GBE1: variants seen among roughly 807,000 people sequenced by gnomAD.
GBE1 encodes the protein 1,4-alpha-glucan branching enzyme 1.
A neutral mutation model predicts 88.8 loss-of-function variants in GBE1; 70 were observed. The ratio of observed to expected loss-of-function variants is 0.79; its 90% CI spans 0.65 to 0.96. The LOEUF (loss-of-function observed/expected upper bound fraction) is 0.96. Ranked by LOEUF, GBE1 falls within the 40% of genes least tolerant of loss-of-function variation. The probability of loss-of-function intolerance (pLI) is 0.00; values close to 1 mark genes in which losing one functional copy is unlikely to be tolerated. For missense variants in GBE1, 872 were observed against 871.0 expected, an observed-to-expected ratio of 1.00 and a Z score of -0.01; for synonymous variants, 284 against 300.1, an observed-to-expected ratio of 0.95 and a Z score of 0.56.
intron 1 of GBE1, among the ~76,000 whole-genome samples, chr3:81,718,242 A>G (rs1056199078): frequency 2.6e-5 from 4 of 152,066 alleles, no homozygotes; most frequent in Non-Finnish European, 5.9e-5. Context: ...AGCTTCCCAA[A>G]GTGCTGGGAT....
chr3:81,539,158 C>T (rs949417283), intron 12 of GBE1, among the ~76,000 whole-genome samples: 7 of 151,942 alleles, frequency 4.6e-5, no homozygotes, highest in Non-Finnish European at 8.8e-5. Flanking sequence ...GGAGTTGGGC[C>T]TGTGAACCCA....
intron 12 of GBE1, among the ~76,000 whole-genome samples, chr3:81,556,453 G>C (rs1486327716): frequency 6.6e-6 from 1 of 151,956 alleles, no homozygotes; most frequent in Non-Finnish European, 1.5e-5. Context: ...TTTATTTCTT[G>C]AAACTTTACA....
intron 9 of GBE1, among the ~76,000 whole-genome samples, chr3:81,588,867 G>C (rs180816471): frequency 3.7e-4 from 56 of 152,200 alleles, no homozygotes; most frequent in African/African-American, 1.2e-3. Context: ...TTGGCTTTCT[G>C]TGCAGCAAGC....
chr3:81,573,773 C>CTA (rs201683183), intron 12 of GBE1, among the ~76,000 whole-genome samples: 26 of 117,302 alleles, frequency 2.2e-4, no homozygotes, highest in African/African-American at 8.2e-4. Context: ...CTCTCTCTCT[C>CTA]TCTGTGTGTG....
intron 2 of GBE1, among the ~76,000 whole-genome samples, chr3:81,701,085 T>G (rs952431945): frequency 1.1e-4 from 17 of 152,146 alleles, no homozygotes. Context: ...TCACATCTAA[T>G]TTTCTAAAGA....
chr3:81,672,508 G>C (rs1344880501), intron 2 of GBE1, among the ~76,000 whole-genome samples: 1 of 151,854 alleles, frequency 6.6e-6, no homozygotes, highest in African/African-American at 2.4e-5. Flanking sequence ...GAGTACAGAA[G>C]AATAGCATTT....
chr3:81,547,177 G>A (rs934636032), intron 12 of GBE1, among the ~76,000 whole-genome samples: 3 of 151,436 alleles, frequency 2.0e-5, no homozygotes, highest in African/African-American at 7.3e-5. Flanking sequence ...GGGAGGCAGA[G>A]TCTCTCCTAA....
intron 7 of GBE1, among the ~76,000 whole-genome samples, chr3:81,624,124 A>T (rs542635244): frequency 2.0e-5 from 3 of 152,312 alleles, no homozygotes; most frequent in Admixed American, 2.0e-4. Context: ...ATCATGGCAG[A>T]AGGCAAAGAG....
At chr3:81,711,856 A>G (rs201360459) in intron 1 of GBE1, among the ~76,000 whole-genome samples, 6,273 of 151,910 alleles carry the variant, frequency 0.041, 436 homozygotes, top group East Asian at 0.34. Flanking sequence ...ACTACCATTG[A>G]AGTGAACAGA....
At chr3:81,647,827 C>G (rs1704788348) in intron 5 of GBE1, among the ~76,000 whole-genome samples, 1 of 151,940 alleles carries the variant, frequency 6.6e-6, no homozygotes, top group Non-Finnish European at 1.5e-5. Flanking sequence ...TAGTTTTATT[C>G]TTAATTTTTA....
At chr3:81,630,966 G>A (rs1374776598) in intron 7 of GBE1, among the ~76,000 whole-genome samples, 1 of 152,174 alleles carries the variant, frequency 6.6e-6, no homozygotes. Flanking sequence ...ACTTTCAGAG[G>A]CTGAAGTGGG....
intron 3 of GBE1, among the ~76,000 whole-genome samples, chr3:81,662,654 C>T (rs1378147960): frequency 7.1e-6 from 1 of 141,812 alleles, no homozygotes; most frequent in African/African-American, 2.6e-5. Context: ...CAAACATTAA[C>T]AGTTTTGTAA....
chr3:81,744,900 T>C (rs1241791480), intron 1 of GBE1, among the ~76,000 whole-genome samples: 1 of 152,238 alleles, frequency 6.6e-6, no homozygotes, highest in Non-Finnish European at 1.5e-5. Context: ...ATTCTAATTT[T>C]AATAGAGAAA....
chr3:81,514,842 G>A (rs1048618417), intron 14 of GBE1, among the ~76,000 whole-genome samples: 3 of 151,512 alleles, frequency 2.0e-5, no homozygotes, highest in South Asian at 2.1e-4. Flanking sequence ...AATATCTCAC[G>A]TAGGCAGGCA....
rs1202835897 is a variant in GBE1, at chr3:81,690,432, G to T, written c.313+15012C>A. ...CCAAAAAGTAGTAAGACAGATACTT[G>T]TCCAGCTCTGGTACTGGATCAGGCA... On this transcript the variant is annotated intron_variant, in intron 2 of 15. Coordinates refer to ENST00000429644, the MANE Select transcript of GBE1 (RefSeq NM_000158.4). 2.0e-5 allele frequency among the ~76,000 whole-genome samples: 3 copies of T among 152,270 alleles called. No individual in the cohort carries two copies. In the East Asian group the frequency reaches 5.8e-4, roughly 29 times the overall value.
chr3:81,550,488 T>C (rs77896459), intron 12 of GBE1, among the ~76,000 whole-genome samples: 1 of 143,294 alleles, frequency 7.0e-6, no homozygotes, highest in Non-Finnish European at 1.6e-5. Context: ...TCAGAGGTGT[T>C]TGAATCAGAG....
intron 12 of GBE1, among the ~76,000 whole-genome samples, chr3:81,551,521 T>A (rs1703271599): frequency 6.6e-6 from 1 of 152,156 alleles, no homozygotes; most frequent in African/African-American, 2.4e-5. Context: ...TCTGATTGCC[T>A]CCCTTGGAGA....
intron 7 of GBE1, among the ~76,000 whole-genome samples, chr3:81,639,344 T>C (rs1446211124): frequency 2.8e-5 from 4 of 141,902 alleles, no homozygotes; most frequent in Non-Finnish European, 6.1e-5. Flanking sequence ...AAGGTGTATT[T>C]TTTTTTAAAA....
At chr3:81,746,148 G>A (rs1372901908) in intron 1 of GBE1, among the ~76,000 whole-genome samples, 1 of 152,094 alleles carries the variant, frequency 6.6e-6, no homozygotes, top group African/African-American at 2.4e-5. Context: ...AAAGTAATAG[G>A]TGTTTGTTTT....
Sources: allele counts gnomAD v4.1 joint callset (sites outside exome capture counted in the v4.1 genomes callset), GRCh38; gene constraint gnomAD v4.1.1; transcripts MANE v1.5; gene names NCBI Gene and HGNC (gene_info 2026-07-23, HGNC 2026-07-21).